Variants in RSPRY1 observed in about 807,000 individuals in gnomAD.
The protein encoded by RSPRY1 is RING finger and SPRY domain-containing protein 1.
RSPRY1 carries 23 observed loss-of-function variants against 73.1 expected under a neutral mutation model. That is an observed-to-expected ratio of 0.31 (90% CI 0.23 to 0.45). The LOEUF is 0.45. RSPRY1 is among the 20% of genes least tolerant of loss of function. The pLI is 1.00. For synonymous variants in RSPRY1, 226 were observed against 251.4 expected (o/e 0.90, Z 0.95); for missense variants, 448 against 698.7 (o/e 0.64, Z 4.05).
At chr16:57,205,659 G>T (rs1318894194) in intron 2 of RSPRY1, among the ~76,000 whole-genome samples, 1 of 152,232 alleles carries the variant, frequency 6.6e-6, no homozygotes, top group African/African-American at 2.4e-5. Context: ...ACTTAAGGTT[G>T]TATATTTCAG....
At chr16:57,227,762 T>C (rs1436240308) in intron 11 of RSPRY1, among the ~76,000 whole-genome samples, 1 of 152,188 alleles carries the variant, frequency 6.6e-6, no homozygotes, top group Non-Finnish European at 1.5e-5. Context: ...GCCATGGCAA[T>C]ATCAGGGACA....
intron 11 of RSPRY1, among the ~76,000 whole-genome samples, chr16:57,230,305 C>T (rs1178704606): frequency 6.6e-6 from 1 of 152,212 alleles, no homozygotes; most frequent in Non-Finnish European, 1.5e-5. Context: ...AGCCACCTCG[C>T]CCAGCCTGCC....
At chr16:57,237,561 G>A (rs1302952128) in intron 14 of RSPRY1, among the ~76,000 whole-genome samples, 1 of 152,112 alleles carries the variant, frequency 6.6e-6, no homozygotes, top group African/African-American at 2.4e-5. Flanking sequence ...ATTCCTAATG[G>A]ATGAAATACT....
chr16:57,190,447 A>G (rs1224479326), intron 1 of RSPRY1, among the ~76,000 whole-genome samples: 10 of 152,220 alleles, frequency 6.6e-5, no homozygotes, highest in African/African-American at 2.4e-4. Flanking sequence ...ATAAGTGGAA[A>G]GTCAGTAGTC....
intron 5 of RSPRY1, among the ~76,000 whole-genome samples, chr16:57,213,434 T>C (rs1245611021): frequency 6.6e-6 from 1 of 152,252 alleles, no homozygotes. Context: ...TTTGCATATA[T>C]ACACACTTTA....
intron 8 of RSPRY1, chr16:57,219,851 G>T (rs2075006506): frequency 6.6e-6 from 1 of 152,160 alleles, no homozygotes; most frequent in Non-Finnish European, 1.5e-5. Flanking sequence ...AGAGATAGGG[G>T]TCTAGTTTTA....
chr16:57,213,670 C>A (rs1269746874), intron 5 of RSPRY1, among the ~76,000 whole-genome samples: 11 of 152,220 alleles, frequency 7.2e-5, no homozygotes, highest in Non-Finnish European at 1.2e-4. Flanking sequence ...TTTGGACTCT[C>A]CCATGTGCTT....
intron 1 of RSPRY1, among the ~76,000 whole-genome samples, chr16:57,200,960 G>T (rs1244010897): frequency 7.7e-5 from 9 of 116,284 alleles, no homozygotes; most frequent in Middle Eastern, 6.7e-3. Flanking sequence ...GGGGGGGGGG[G>T]GCTGACCCCC....
rs1350198578 is a variant in RSPRY1, at chr16:57,227,392, C to T, written c.1212C>T (p.Cys404=). 1 of 1,613,984 alleles carries T rather than the reference C, an allele frequency of 6.2e-7. No individual in the cohort carries two copies. The highest frequency in any genetic ancestry group is 1.3e-5 in the African/African-American group (1 of 74,908). ...DDEYSCAYDG[C]RQLIWYNARS... ...AATACTCCTGTGCGTATGATGGCTGCCGGCAGCTGATTTGGTACAATGCCA... is the reference window on the plus strand; with the variant it reads ...AATACTCCTGTGCGTATGATGGCTGTCGGCAGCTGATTTGGTACAATGCCA... The change falls in exon 11 of 15, where the codon TGC becomes TGT. Residue 404 remains cysteine (C), a synonymous_variant. Coordinates refer to ENST00000394420, the MANE Select transcript of RSPRY1 (RefSeq NM_133368.3).
In RSPRY1 at chr16:57,204,568, C is replaced by A. The variant is rs1247777756; in HGVS notation, c.-91C>A. 1 of 1,146,732 alleles carries A rather than the reference C, an allele frequency of 8.7e-7. No homozygotes were observed. The allele number at this position is 1,146,732 out of a possible 1,614,324, so 71.0% of individuals were successfully genotyped here. A position where few individuals can be genotyped will look rare whatever the true frequency, so the allele number is the denominator to read the frequency against. The stretch of plus-strand genomic sequence containing the variant: ...TGTTGGGAATAAGCTCTGCAACTTT[C>A]TTTGGCATTCAGTTGTTAAAAACAA... On this transcript the variant is annotated 5_prime_UTR_variant, in exon 2 of 15. Coordinates refer to ENST00000394420, the MANE Select transcript of RSPRY1 (RefSeq NM_133368.3).
chr16:57,194,411 A>G (rs1427326336), intron 1 of RSPRY1, among the ~76,000 whole-genome samples: 3 of 152,230 alleles, frequency 2.0e-5, no homozygotes, highest in African/African-American at 7.2e-5. Flanking sequence ...AAATTTCATA[A>G]TAAAATATTG....
chr16:57,201,897 G>A (rs1471690771), intron 1 of RSPRY1, among the ~76,000 whole-genome samples: 5 of 152,240 alleles, frequency 3.3e-5, no homozygotes, highest in African/African-American at 1.2e-4. Flanking sequence ...GCAGTGAGCC[G>A]AGATGGCAGC....
Position 57,238,871 on chromosome 16 carries a change from C to A in RSPRY1, c.1635-8C>A. 1 of 1,539,574 alleles carries A rather than the reference C, an allele frequency of 6.5e-7. No individual in the cohort carries two copies. The highest frequency in any genetic ancestry group is 8.8e-7 in the Non-Finnish European group (1 of 1,140,860). On this transcript the variant is annotated splice_polypyrimidine_tract_variant and splice_region_variant and intron_variant, in intron 14 of 14. Transcript: ENST00000394420. ...TAACTTGACTGACTTTTCTGTGTTT[C>A]TCCCCAGTGACCTGTGCATGGATTG...
Position 57,205,017 on chromosome 16 carries a change from C to G in RSPRY1, c.350+9C>G, listed in dbSNP as rs766579390. 3 of 1,596,900 alleles carry G rather than the reference C, an allele frequency of 1.9e-6. No individual in the cohort carries two copies. The highest frequency in any genetic ancestry group is 1.7e-4 in the Middle Eastern group (1 of 6,024). On this transcript the variant is annotated intron_variant, in intron 2 of 14. Transcript: ENST00000394420. ...CGGACTCTTGTAGATAAGTAAGTAT[C>G]TGACTCACGGTCACCTCCAGTGGAA...
At position 57,216,135 on chromosome 16, in the gene RSPRY1, T is replaced by C. The variant is rs1465559744; in HGVS notation, c.731T>C (p.Leu244Pro). 6 of 1,612,674 alleles carry C rather than the reference T, an allele frequency of 3.7e-6. No individual in the cohort carries two copies. The highest frequency in any genetic ancestry group is 5.1e-6 in the Non-Finnish European group (6 of 1,179,088). Reference protein sequence around the residue: ...LKLQSHPTVMLFALIALEKFA... With the variant: ...LKLQSHPTVMPFALIALEKFA... ...TTACAGTCCCACCCCACAGTCATGC[T>C]TTTTGCACTTATCGCACTGGAAAAG... Residue 244 changes from leucine (L) to proline (P), a missense_variant, in exon 7 of 15, where the codon CTT becomes CCT. Coordinates refer to ENST00000394420, the MANE Select transcript of RSPRY1 (RefSeq NM_133368.3).
intron 10 of RSPRY1, among the ~76,000 whole-genome samples, chr16:57,226,761 T>G (rs556895243): frequency 3.8e-4 from 58 of 152,328 alleles, no homozygotes; most frequent in African/African-American, 1.3e-3. Context: ...GACCTGTATC[T>G]TGTGCTGACC....
intron 6 of RSPRY1, among the ~76,000 whole-genome samples, chr16:57,215,568 A>G (rs2074924455): frequency 6.6e-6 from 1 of 152,190 alleles, no homozygotes. Flanking sequence ...ATGTAACTAA[A>G]AGAGTTCACT....
chr16:57,188,436 C>T (rs1330403284), intron 1 of RSPRY1, among the ~76,000 whole-genome samples: 1 of 152,128 alleles, frequency 6.6e-6, no homozygotes, highest in African/African-American at 2.4e-5. Context: ...GTTCGTCGTA[C>T]TTGTTAGAGA....
intron 2 of RSPRY1, among the ~76,000 whole-genome samples, chr16:57,205,428 A>G (rs560372029): frequency 6.6e-6 from 1 of 152,338 alleles, no homozygotes; most frequent in East Asian, 1.9e-4. Flanking sequence ...TTCTCTTGGC[A>G]ACATAAGGAC....
Sources: gnomAD v4.1 joint callset for allele counts (sites outside exome capture counted in the v4.1 genomes callset) on GRCh38, gnomAD v4.1.1 for gene constraint, MANE v1.5 for transcripts, NCBI Gene and HGNC (gene_info 2026-07-23, HGNC 2026-07-21) for gene names.